SCGB2B2: variants seen among roughly 807,000 people sequenced by gnomAD.
The protein encoded by SCGB2B2 is secretoglobin-like protein.
In SCGB2B2, 11 loss-of-function variants were observed where a neutral mutation model predicts 7.6. The observed-to-expected ratio is 1.45, with a 90% confidence interval of 0.91 to 2.40. The LOEUF (loss-of-function observed/expected upper bound fraction) is 2.40, where lower values mean the gene tolerates loss of function less well. Ranked by LOEUF, SCGB2B2 falls within the 30% of genes most tolerant of loss-of-function variation. The probability of loss-of-function intolerance (pLI) is 0.00; values close to 1 mark genes in which losing one functional copy is unlikely to be tolerated. For synonymous variants in SCGB2B2, 50 were observed against 48.6 expected, an observed-to-expected ratio of 1.03 and a Z score of -0.12; for missense variants, 104 against 115.4, an observed-to-expected ratio of 0.90 and a Z score of 0.45.
chr19:34,606,732 T>C (rs1169795839), intron 1 of SCGB2B2, among the ~76,000 whole-genome samples: 5 of 152,248 alleles, frequency 3.3e-5, no homozygotes, highest in South Asian at 2.1e-4. Flanking sequence ...ATTGGTATAA[T>C]TGTCCTATTT....
chr19:34,630,315 A>G lies in SCGB2B2; in HGVS notation c.-2031-33721T>C, dbSNP rs567607020. The stretch of plus-strand genomic sequence containing the variant: ...GCACAGCAAAAGAAACTACCATCAG[A>G]GTGAACAGGCAACCTACAAAATGGG... On this transcript the variant is annotated intron_variant, in intron 1 of 3. Transcript: ENST00000601241. Among the ~76,000 whole-genome samples, 7 of 152,084 alleles carry G rather than the reference A, an allele frequency of 4.6e-5. No individual in the cohort carries two copies. The East Asian group carries it at 1.3e-3, about 29-fold the overall frequency.
At chr19:34,641,718 C>T (rs192679812) in intron 1 of SCGB2B2, among the ~76,000 whole-genome samples, 4 of 152,216 alleles carry the variant, frequency 2.6e-5, no homozygotes, top group Admixed American at 6.5e-5. Flanking sequence ...CCTCTTATGT[C>T]GACTAAAACT....
intron 1 of SCGB2B2, among the ~76,000 whole-genome samples, chr19:34,672,870 C>A (rs903400700): frequency 2.6e-5 from 4 of 152,144 alleles, no homozygotes; most frequent in African/African-American, 9.7e-5. Context: ...GGACATCAAT[C>A]CATTCATAAG....
chr19:34,638,627 T>C (rs941905634), intron 1 of SCGB2B2, among the ~76,000 whole-genome samples: 2 of 152,154 alleles, frequency 1.3e-5, no homozygotes, highest in Non-Finnish European at 2.9e-5. Flanking sequence ...AAAGCATAAA[T>C]TGGCCCCTGA....
intron 1 of SCGB2B2, among the ~76,000 whole-genome samples, chr19:34,648,165 G>A (rs902283327): frequency 6.6e-6 from 1 of 152,214 alleles, no homozygotes; most frequent in African/African-American, 2.4e-5. Context: ...CCATCCAGGA[G>A]GATGAGACAC....
chr19:34,605,184 C>T (rs1421022869), intron 1 of SCGB2B2, among the ~76,000 whole-genome samples: 2 of 152,186 alleles, frequency 1.3e-5, no homozygotes, highest in Non-Finnish European at 2.9e-5. Flanking sequence ...CTTTTGGCTT[C>T]ATTGGTCTTG....
chr19:34,613,976 T>G lies in SCGB2B2; in HGVS notation c.-2031-17382A>C, dbSNP rs577458799. Among the ~76,000 whole-genome samples the G allele has an allele frequency of 3.0e-4, 46 of 152,352 alleles. No homozygotes were observed. The South Asian group carries it at 9.3e-3, about 31-fold the overall frequency. On this transcript the variant is annotated intron_variant, in intron 1 of 3. Transcript: ENST00000601241. ...ACTCTCCTGGCCTGTAAAGTTTCTGTGAAGAAAATTGCTATTGGTCTACTG... is the reference window on the plus strand; with the variant it reads ...ACTCTCCTGGCCTGTAAAGTTTCTGGGAAGAAAATTGCTATTGGTCTACTG...
At chr19:34,645,885 G>A (rs561251037) in intron 1 of SCGB2B2, 2 of 249,538 alleles carry the variant, frequency 8.0e-6, no homozygotes, top group South Asian at 4.5e-5. Flanking sequence ...ATCCACCACA[G>A]GGGATGCCTG....
intron 1 of SCGB2B2, among the ~76,000 whole-genome samples, chr19:34,626,377 G>A (rs2066377229): frequency 6.6e-6 from 1 of 152,106 alleles, no homozygotes; most frequent in Non-Finnish European, 1.5e-5. Context: ...TTAGACGAGT[G>A]GCTAACTAGA....
rs2065430384 is a variant in SCGB2B2, at chr19:34,595,674, T to C, written c.-1111A>G. 6.6e-6 allele frequency: 1 copy of C among 152,252 alleles called. No homozygotes were observed. Among genetic ancestry groups the C allele is most frequent in the Non-Finnish European group, 1.5e-5 (1 of 68,050 alleles). 9.4% of individuals were successfully genotyped at this position (152,252 alleles called of 1,614,324 possible). On this transcript the variant is annotated 5_prime_UTR_variant, in exon 2 of 4. Transcript: ENST00000601241. Reference sequence around the variant, plus strand: ...CTTTCCACAACTTATTCCCGTATTTTTATGGCCAGTTTATACAGGCACCCC... The same window carrying C: ...CTTTCCACAACTTATTCCCGTATTTCTATGGCCAGTTTATACAGGCACCCC...
intron 1 of SCGB2B2, chr19:34,645,979 GC>G: frequency 6.2e-6 from 2 of 323,224 alleles, no homozygotes; most frequent in South Asian, 2.9e-5. Context: ...TACAACCCCA[GC>G]CCCCTGACAG....
chr19:34,647,171 G>GTC (rs1295677952), intron 1 of SCGB2B2, among the ~76,000 whole-genome samples: 1 of 152,174 alleles, frequency 6.6e-6, no homozygotes, highest in Admixed American at 6.5e-5. Context: ...AGCCATGGGG[G>GTC]TCTCTGTGGC....
chr19:34,671,353 A>G (rs1212125640), intron 1 of SCGB2B2, among the ~76,000 whole-genome samples: 1 of 152,054 alleles, frequency 6.6e-6, no homozygotes, highest in African/African-American at 2.4e-5. Context: ...TTCTTAATCT[A>G]TATTTTTGCT....
intron 1 of SCGB2B2, among the ~76,000 whole-genome samples, chr19:34,648,388 G>A (rs1283918232): frequency 6.6e-6 from 1 of 152,198 alleles, no homozygotes; most frequent in East Asian, 1.9e-4. Context: ...AGTTAAAAAT[G>A]TCCTGAGAAA....
intron 1 of SCGB2B2, among the ~76,000 whole-genome samples, chr19:34,652,281 T>C (rs2146083000): frequency 6.6e-6 from 1 of 151,196 alleles, no homozygotes; most frequent in East Asian, 1.9e-4. Flanking sequence ...AACTGGATTA[T>C]ATTAAACTAA....
intron 1 of SCGB2B2, among the ~76,000 whole-genome samples, chr19:34,658,280 A>C (rs1462985812): frequency 6.6e-6 from 1 of 152,192 alleles, no homozygotes; most frequent in East Asian, 1.9e-4. Flanking sequence ...GATACAAAAA[A>C]ACCCTTCAAA....
chr19:34,653,771 A>G (rs2067218561), intron 1 of SCGB2B2, among the ~76,000 whole-genome samples: 1 of 151,248 alleles, frequency 6.6e-6, no homozygotes, highest in Admixed American at 6.6e-5. Context: ...TTCAATATCC[A>G]TTCATACTGA....
chr19:34,652,597 TTTTTAAAATGC>T (rs1416533442), intron 1 of SCGB2B2, among the ~76,000 whole-genome samples: 1 of 151,148 alleles, frequency 6.6e-6, no homozygotes, highest in Non-Finnish European at 1.5e-5. Flanking sequence ...CCAACAGGTA[TTTTTAAAATGC>T]TCAACATCAC....
intron 1 of SCGB2B2, among the ~76,000 whole-genome samples, chr19:34,648,754 C>T (rs1025842503): frequency 6.6e-6 from 1 of 151,176 alleles, no homozygotes; most frequent in East Asian, 1.9e-4. Flanking sequence ...TATTTTTAAA[C>T]TTCATACTTT....
Sources: gnomAD v4.1 joint callset for allele counts (sites outside exome capture counted in the v4.1 genomes callset) on GRCh38, gnomAD v4.1.1 for gene constraint, MANE v1.5 for transcripts, NCBI Gene and HGNC (gene_info 2026-07-23, HGNC 2026-07-21) for gene names.